The following LUZP4 variants were observed in gnomAD, a reference collection of about 807,000 sequenced individuals.
LUZP4 encodes HOM-TES-85 tumor antigen.
Under a neutral mutation model 8.5 loss-of-function variants are expected in LUZP4, and 11 were observed. The ratio of observed to expected loss-of-function variants is 1.30; its 90% CI spans 0.82 to 2.14. LUZP4 has a LOEUF of 2.14. Ranked by LOEUF, LUZP4 falls within the 30% of genes most tolerant of loss-of-function variation. The pLI is 0.00. For missense variants in LUZP4, 276 were observed against 229.7 expected (o/e 1.20, Z -1.30); for synonymous variants, 104 against 79.4 (o/e 1.31, Z -1.65).
intron 1 of LUZP4, among the ~76,000 whole-genome samples, chrX:115,297,349 C>A (rs1367704742): frequency 1.8e-5 from 2 of 111,770 alleles, no homozygotes; most frequent in Non-Finnish European, 3.8e-5. Flanking sequence ...CTTACTATTA[C>A]CAGTGAGTTT....
Position 115,289,819 on chromosome X carries a change from G to GA in LUZP4, c.65dup (p.Val23GlyfsTer2). ...AAGTGCCGCCAAATCATCCCAGTCG[G>GA]AAAAAGGTTAACTTCCTAGATATGT... is the stretch of plus-strand genomic sequence containing the variant. On this transcript the variant is annotated frameshift_variant, in exon 1 of 4. Transcript: ENST00000371920. LOFTEE classifies it high-confidence loss of function. 8.3e-7 allele frequency: 1 copy of GA among 1,208,190 alleles called. No individual in the cohort carries two copies.
chrX:115,307,489 T>C lies in LUZP4; in HGVS notation c.*685T>C, dbSNP rs1331055338. The C allele has an allele frequency of 8.9e-6, 1 of 112,391 alleles. No individual in the cohort carries two copies. Among genetic ancestry groups the C allele is most frequent in the African/African-American group, 3.2e-5 (1 of 30,900 alleles). 9.3% of individuals were successfully genotyped at this position (112,391 alleles called of 1,213,427 possible). A position where few individuals can be genotyped will look rare whatever the true frequency, so the allele number is the denominator to read the frequency against. On this transcript the variant is annotated 3_prime_UTR_variant, in exon 4 of 4. Coordinates refer to ENST00000371920, the MANE Select transcript of LUZP4 (RefSeq NM_016383.5). The stretch of plus-strand genomic sequence containing the variant: ...AGAAATTTAAATGTACTGGGAGTTA[T>C]GTTGTTAAAAACACAAGATATGTTA...
chrX:115,294,535 G>T (rs782170503), intron 1 of LUZP4, among the ~76,000 whole-genome samples: 1 of 111,767 alleles, frequency 8.9e-6, no homozygotes, highest in Admixed American at 9.5e-5. Context: ...CAGCAATTTG[G>T]CAAGCTGGAG....
chrX:115,306,682 A>T lies in LUZP4; in HGVS notation c.820A>T (p.Ile274Leu), dbSNP rs138059569. ...TCTCATAGCCACTCAGAGAGATCTC[A>T]TAGTCACTCAGAGAGATCTCGTGGC... The part of the protein sequence containing the change: ...RDLIATQRDL[I>L]VTQRDLVATE... The change falls in exon 4 of 4, where the codon ATA becomes TTA. Residue 274 changes from isoleucine to leucine, a missense_variant. By Grantham distance (5) the Ile-to-Leu change is conservative. Coordinates refer to ENST00000371920, the MANE Select transcript of LUZP4 (RefSeq NM_016383.5). 7 of 1,182,463 alleles carry T rather than the reference A, an allele frequency of 5.9e-6. No homozygotes were observed. Among genetic ancestry groups the T allele is most frequent in the Non-Finnish European group, 8.0e-6 (7 of 871,077 alleles).
chrX:115,299,535 CT>C (rs1556600563), intron 1 of LUZP4, among the ~76,000 whole-genome samples: 3 of 110,891 alleles, frequency 2.7e-5, no homozygotes, highest in Non-Finnish European at 1.9e-5. Flanking sequence ...CTTCCCTTCC[CT>C]TTCCAAAGGC....
Position 115,306,210 on chromosome X carries a change from G to A in LUZP4, c.348G>A (p.Lys116=). ...ATAATTGGGATCCTTTTCAGGAGAAGTGCAGTGACAATTATGAGGCCCAAG... is the reference window on the plus strand; with the variant it reads ...ATAATTGGGATCCTTTTCAGGAGAAATGCAGTGACAATTATGAGGCCCAAG... ...LNGQPLIEQE[K]CSDNYEAQAE... Residue 116 remains lysine, a synonymous_variant, in exon 4 of 4, where the codon AAG becomes AAA. Coordinates refer to ENST00000371920, the MANE Select transcript of LUZP4 (RefSeq NM_016383.5). The A allele has an allele frequency of 8.3e-7, 1 of 1,207,355 alleles. No homozygotes were observed. Among genetic ancestry groups the A allele is most frequent in the Non-Finnish European group, 1.1e-6 (1 of 893,101 alleles).
intron 2 of LUZP4, among the ~76,000 whole-genome samples, chrX:115,302,704 C>T (rs1428202731): frequency 8.9e-6 from 1 of 112,481 alleles, no homozygotes; most frequent in Non-Finnish European, 1.9e-5. Context: ...TACTATAAGC[C>T]CCGACAGTTG....
At chrX:115,296,980 G>A (rs1203668360) in intron 1 of LUZP4, among the ~76,000 whole-genome samples, 1 of 111,401 alleles carries the variant, frequency 9.0e-6, no homozygotes, top group Non-Finnish European at 1.9e-5. Context: ...TATAGTAGGT[G>A]TATATATTTA....
intron 1 of LUZP4, among the ~76,000 whole-genome samples, chrX:115,290,113 C>T (rs782500361): frequency 6.6e-4 from 73 of 110,800 alleles, no homozygotes; most frequent in African/African-American, 2.2e-3. Flanking sequence ...ACCAGAAGCG[C>T]GTGGGGATTA....
chrX:115,300,674 T>C (rs781893962), intron 1 of LUZP4, among the ~76,000 whole-genome samples: 3 of 111,440 alleles, frequency 2.7e-5, no homozygotes, highest in East Asian at 2.9e-4. Context: ...GTGAGTTTGG[T>C]CCACTTTTCC....
intron 3 of LUZP4, among the ~76,000 whole-genome samples, 186 bp from the exon 4 acceptor site, chrX:115,306,019 C>A (rs1264590288): frequency 9.0e-6 from 1 of 111,029 alleles, no homozygotes; most frequent in Non-Finnish European, 1.9e-5. Flanking sequence ...ATTTTTGTGC[C>A]AGTGACACGA....
rs1264682811 is a variant in LUZP4, at chrX:115,307,281, T to A, written c.*477T>A. On this transcript the variant is annotated 3_prime_UTR_variant, in exon 4 of 4. Coordinates refer to ENST00000371920, the MANE Select transcript of LUZP4 (RefSeq NM_016383.5). ...CCTCAGAGAGTCCTTAGCAGACAAA[T>A]GGTAGATGTATCTTTGGGCAGCTGA... The A allele has an allele frequency of 7.8e-6, 1 of 127,775 alleles. No individual in the cohort carries two copies. The highest frequency in any genetic ancestry group is 7.6e-5 in the Admixed American group (1 of 13,106). The allele number at this position is 127,775 out of a possible 1,213,427, so 10.5% of individuals were successfully genotyped here. A position where few individuals can be genotyped will look rare whatever the true frequency, so the allele number is the denominator to read the frequency against.
rs1556604694 is a variant in LUZP4 at position 115,306,959 on chromosome X, T to C, written c.*155T>C. The C allele has an allele frequency of 1.9e-6, 1 of 534,916 alleles. No homozygotes were observed. Among genetic ancestry groups the C allele is most frequent in the Non-Finnish European group, 3.0e-6 (1 of 335,250 alleles). The allele number at this position is 534,916 out of a possible 1,213,427, so 44.1% of individuals were successfully genotyped here. On this transcript the variant is annotated 3_prime_UTR_variant, in exon 4 of 4. Transcript: ENST00000371920. ...TACATAGTATCAATATTGTTTCAACTTGATGTCCTCTAAGCTATCATCCAG... is the reference window on the plus strand; with the variant it reads ...TACATAGTATCAATATTGTTTCAACCTGATGTCCTCTAAGCTATCATCCAG...
intron 2 of LUZP4, 132 bp from the exon 3 acceptor site, chrX:115,303,168 C>A: frequency 2.8e-6 from 1 of 354,909 alleles, no homozygotes; most frequent in East Asian, 4.8e-5. Context: ...CAGATGATAC[C>A]AGAGTAATGA....
chrX:115,289,722 C>T lies in LUZP4; in HGVS notation c.-38C>T, dbSNP rs2073338622. On this transcript the variant is annotated 5_prime_UTR_variant, in exon 1 of 4. Coordinates refer to ENST00000371920, the MANE Select transcript of LUZP4 (RefSeq NM_016383.5). ...GCGCGGTGAGGGGGTGGTACACGCGCCCTACCTCGGAGTGTGTGGCGCCAT... is the reference window on the plus strand; with the variant it reads ...GCGCGGTGAGGGGGTGGTACACGCGTCCTACCTCGGAGTGTGTGGCGCCAT... 2 of 1,058,950 alleles carry T rather than the reference C, an allele frequency of 1.9e-6. No individual in the cohort carries two copies. Among genetic ancestry groups the T allele is most frequent in the South Asian group, 3.7e-5 (2 of 53,436 alleles). The allele number at this position is 1,058,950 out of a possible 1,213,427, so 87.3% of individuals were successfully genotyped here. A position where few individuals can be genotyped will look rare whatever the true frequency, so the allele number is the denominator to read the frequency against.
At chrX:115,301,098 T>C (rs1556601375) in intron 1 of LUZP4, among the ~76,000 whole-genome samples, 2 of 111,147 alleles carry the variant, frequency 1.8e-5, no homozygotes, top group African/African-American at 6.5e-5. Context: ...CAACTGCCTC[T>C]TTTGTACCCT....
chrX:115,291,732 GC>G (rs2073350002), intron 1 of LUZP4, among the ~76,000 whole-genome samples: 1 of 110,295 alleles, frequency 9.1e-6, no homozygotes, highest in Admixed American at 9.7e-5. Flanking sequence ...GACCAGCCTG[GC>G]CAACATGGTG....
At chrX:115,302,195 A>C in intron 2 of LUZP4, 72 bp downstream of exon 2, 1 of 937,404 alleles carries the variant, frequency 1.1e-6, no homozygotes, top group Non-Finnish European at 1.4e-6. Context: ...AGATAAGTAA[A>C]TCAAGAATTC....
At chrX:115,305,687 C>T (rs1302472326) in intron 3 of LUZP4, among the ~76,000 whole-genome samples, 1 of 112,541 alleles carries the variant, frequency 8.9e-6, no homozygotes, top group Non-Finnish European at 1.9e-5. Flanking sequence ...ATTAAGCCAA[C>T]CTTCTGCTTT....
Sources: gnomAD v4.1 joint callset for allele counts (sites outside exome capture counted in the v4.1 genomes callset) on GRCh38, gnomAD v4.1.1 for gene constraint, MANE v1.5 for transcripts, NCBI Gene and HGNC (gene_info 2026-07-23, HGNC 2026-07-21) for gene names.